The following GCNT2 variants were observed in gnomAD, a reference collection of about 807,000 sequenced individuals.
The protein encoded by GCNT2 is glucosaminyl (N-acetyl) transferase 2 (I blood group), also known as N-acetyllactosaminide beta-1,6-N-acetylglucosaminyl-transferase.
A neutral mutation model predicts 34.2 loss-of-function variants in GCNT2; 34 were observed. That is an observed-to-expected ratio of 1.00 (90% CI 0.76 to 1.32). The LOEUF (loss-of-function observed/expected upper bound fraction) is 1.32. GCNT2 is among the 40% of genes most tolerant of loss of function. The pLI, the probability that GCNT2 is intolerant of heterozygous loss-of-function variation, is 0.00. For missense variants in GCNT2, 584 were observed against 489.4 expected (o/e 1.19, Z -1.82); for synonymous variants, 212 against 188.0 (o/e 1.13, Z -1.04).
chr6:10,615,471 C>T (rs1451995826), intron 3 of GCNT2, among the ~76,000 whole-genome samples: 1 of 152,008 alleles, frequency 6.6e-6, no homozygotes, highest in East Asian at 1.9e-4. Flanking sequence ...CACATCACAA[C>T]ACCCAGCTAA....
intron 3 of GCNT2, among the ~76,000 whole-genome samples, chr6:10,589,099 TGTA>T (rs1764504451): frequency 8.7e-6 from 1 of 115,206 alleles, no homozygotes; most frequent in South Asian, 3.4e-4. Context: ...GTGGTGTGTG[TGTA>T]GTGTGTGTGT....
intron 3 of GCNT2, among the ~76,000 whole-genome samples, chr6:10,588,890 C>CGTGTGTGTTGT (rs757131783): frequency 0.61 from 84,781 of 139,698 alleles, 24,562 homozygotes; most frequent in Middle Eastern, 0.69. Context: ...GTGTTTGTAG[C>CGTGTGTGTTGT]GTGTGTGTTG....
In GCNT2 at chr6:10,558,680, C is replaced by T. The variant is rs534265753; in HGVS notation, c.925+28844C>T. ...CTGGCTGTTGGGGGATTGCCAAGTT[C>T]GAAAGGCTGGTAGGTGCTCTCAGGC... is the stretch of plus-strand genomic sequence containing the variant. On this transcript the variant is annotated intron_variant, in intron 3 of 4. Transcript: ENST00000495262. Among the ~76,000 whole-genome samples the T allele has an allele frequency of 5.9e-5, 9 of 152,340 alleles. No homozygotes were observed. In the South Asian group the frequency reaches 1.2e-3, roughly 21 times the overall value.
intron 3 of GCNT2, among the ~76,000 whole-genome samples, chr6:10,565,848 G>A (rs575952725): frequency 3.9e-5 from 6 of 151,932 alleles, no homozygotes; most frequent in South Asian, 2.1e-4. Context: ...TCCCTGTTCC[G>A]TGCTTTAATC....
At chr6:10,571,287 G>A (rs1400308026) in intron 3 of GCNT2, among the ~76,000 whole-genome samples, 1 of 152,134 alleles carries the variant, frequency 6.6e-6, no homozygotes, top group Non-Finnish European at 1.5e-5. Flanking sequence ...GGTATAGAGG[G>A]AAGGGAGTTT....
intron 3 of GCNT2, among the ~76,000 whole-genome samples, chr6:10,542,667 T>C (rs576338168): frequency 6.6e-6 from 1 of 152,314 alleles, no homozygotes; most frequent in African/African-American, 2.4e-5. Context: ...ATCCGTGTTA[T>C]CGCGTGAATC....
At chr6:10,531,901 G>C (rs1327627869) in intron 3 of GCNT2, among the ~76,000 whole-genome samples, 1 of 134,274 alleles carries the variant, frequency 7.4e-6, no homozygotes, top group Admixed American at 7.8e-5. Context: ...TTTTAGAGAA[G>C]ACCAAGACAA....
At chr6:10,576,662 G>GGACA (rs1763827848) in intron 3 of GCNT2, among the ~76,000 whole-genome samples, 1 of 151,320 alleles carries the variant, frequency 6.6e-6, no homozygotes, top group African/African-American at 2.5e-5. Flanking sequence ...CTTTTCAATA[G>GGACA]GACAGAGACA....
chr6:10,556,398 C>T (rs1223386266), intron 3 of GCNT2: 1 of 1,613,328 alleles, frequency 6.2e-7, no homozygotes, highest in African/African-American at 1.3e-5. Flanking sequence ...TTGACGGTCT[C>T]TTGACATTTC....
At chr6:10,569,883 CTTT>C (rs1271469276) in intron 3 of GCNT2, among the ~76,000 whole-genome samples, 1 of 149,398 alleles carries the variant, frequency 6.7e-6, no homozygotes, top group Non-Finnish European at 1.5e-5. Context: ...CTTTCTCTTT[CTTT>C]TTCTTTCTTT....
intron 1 of GCNT2, among the ~76,000 whole-genome samples, chr6:10,522,293 T>G (rs1380906126): frequency 1.3e-5 from 2 of 151,384 alleles, no homozygotes; most frequent in Non-Finnish European, 2.9e-5. Context: ...CTGGGCCATG[T>G]AGAAAAGTAG....
intron 3 of GCNT2, chr6:10,557,488 A>C: frequency 1.5e-6 from 1 of 674,844 alleles, no homozygotes; most frequent in South Asian, 1.9e-5. Flanking sequence ...ATGCAGAAAG[A>C]TGTTCTTTTT....
chr6:10,621,640 A>G (rs1330914467), intron 4 of GCNT2, 197 bp downstream of exon 4: 5 of 592,794 alleles, frequency 8.4e-6, no homozygotes, highest in Non-Finnish European at 1.5e-5. Flanking sequence ...TCTCTAACTT[A>G]TAATTACCTA....
intron 3 of GCNT2, among the ~76,000 whole-genome samples, chr6:10,567,256 T>A (rs966006186): frequency 6.6e-6 from 1 of 152,144 alleles, no homozygotes; most frequent in African/African-American, 2.4e-5. Flanking sequence ...CCCCAGGAGT[T>A]GGAGACCAGC....
intron 3 of GCNT2, among the ~76,000 whole-genome samples, chr6:10,604,420 A>G (rs1765221080): frequency 6.6e-6 from 1 of 152,212 alleles, no homozygotes; most frequent in Admixed American, 6.5e-5. Context: ...GGAGTTGGAA[A>G]ATAAACAATT....
intron 3 of GCNT2, among the ~76,000 whole-genome samples, chr6:10,607,421 T>C (rs575433769): frequency 6.6e-6 from 1 of 152,282 alleles, no homozygotes; most frequent in South Asian, 2.1e-4. Flanking sequence ...ACGAGAATTC[T>C]ATCACGAGAC....
At chr6:10,550,360 T>C (rs1043489295) in intron 3 of GCNT2, among the ~76,000 whole-genome samples, 1 of 151,864 alleles carries the variant, frequency 6.6e-6, no homozygotes, top group African/African-American at 2.4e-5. Flanking sequence ...TCTTACAATA[T>C]ATTAATTATA....
At chr6:10,544,088 C>T (rs955189541) in intron 3 of GCNT2, among the ~76,000 whole-genome samples, 11 of 150,892 alleles carry the variant, frequency 7.3e-5, no homozygotes, top group African/African-American at 1.2e-4. Context: ...CCGAGATGGG[C>T]GGATCACCTG....
rs73721315 is a variant in GCNT2, at chr6:10,564,526, G to A, written c.925+34690G>A. ...TGGACTCCTGGCTCCTCCATCACCA[G>A]CCATGTATCCCCCGACATCTGTCAA... On this transcript the variant is annotated intron_variant, in intron 3 of 4. Transcript: ENST00000495262. Among the ~76,000 whole-genome samples, 696 of 152,256 alleles carry A rather than the reference G, an allele frequency of 4.6e-3. 4 individuals carry two copies. The highest frequency in any genetic ancestry group is 0.016 in the African/African-American group (666 of 41,534).
Sources: allele counts gnomAD v4.1 joint callset (sites outside exome capture counted in the v4.1 genomes callset), GRCh38; gene constraint gnomAD v4.1.1; transcripts MANE v1.5; gene names NCBI Gene and HGNC (gene_info 2026-07-23, HGNC 2026-07-21).